Variants in TRPV2 observed in about 807,000 individuals in gnomAD.
TRPV2 encodes transient receptor potential cation channel subfamily V member 2, also known as OTRPC2.
Under a neutral mutation model 91.0 loss-of-function variants are expected in TRPV2, and 58 were observed. The observed-to-expected ratio is 0.64, with a 90% CI of 0.52 to 0.79. The LOEUF is 0.79. TRPV2 is among the 30% of genes least tolerant of loss of function. The pLI, the probability that TRPV2 is intolerant of heterozygous loss-of-function variation, is 0.00. For synonymous variants in TRPV2, 417 were observed against 414.8 expected, an observed-to-expected ratio of 1.01 and a Z score of -0.06; for missense variants, 807 against 969.6, an observed-to-expected ratio of 0.83 and a Z score of 2.23.
chr17:16,420,970 C>T (rs113406871), intron 3 of TRPV2, among the ~76,000 whole-genome samples: 2 of 152,272 alleles, frequency 1.3e-5, no homozygotes, highest in African/African-American at 4.8e-5. Flanking sequence ...GGTCTTGACA[C>T]ATATACTAAT....
rs1428413880 is a variant in TRPV2 at position 16,432,312 on chromosome 17, G to C, written c.1989+12G>C. On this transcript the variant is annotated intron_variant, in intron 12 of 14. Coordinates refer to ENST00000338560, the MANE Select transcript of TRPV2 (RefSeq NM_016113.5). Reference sequence around the variant, plus strand: ...TCTGGAAGCTGCAGGTGCCACCAGAGAGGCTCCCTGCCCCCACCCCACCCC... The same window carrying C: ...TCTGGAAGCTGCAGGTGCCACCAGACAGGCTCCCTGCCCCCACCCCACCCC... 7 of 1,590,800 alleles carry C rather than the reference G, an allele frequency of 4.4e-6. No individual in the cohort carries two copies. The South Asian group carries it at 7.9e-5, about 18-fold the overall frequency.
At chr17:16,419,615 G>T (rs2093347000) in intron 2 of TRPV2, among the ~76,000 whole-genome samples, 1 of 152,200 alleles carries the variant, frequency 6.6e-6, no homozygotes, top group South Asian at 2.1e-4. Context: ...GAAAGGCACA[G>T]AATATTCTGT....
At chr17:16,418,241 A>T (rs2093340678) in intron 2 of TRPV2, among the ~76,000 whole-genome samples, 2 of 152,242 alleles carry the variant, frequency 1.3e-5, no homozygotes, top group Non-Finnish European at 2.9e-5. Flanking sequence ...AATCAAGGAC[A>T]TCTGGAAATG....
Position 16,426,021 on chromosome 17 carries a change from C to T in TRPV2, c.925-78C>T. ...GCAGACCGTGGGCAGCTGCTGAGTC[C>T]TGGGTGTTTCCCAGCCTTGGCCCAG... On this transcript the variant is annotated intron_variant, in intron 5 of 14. Coordinates refer to ENST00000338560, the MANE Select transcript of TRPV2 (RefSeq NM_016113.5). The surrounding 1 kb of genome is among the most constrained non-coding windows in gnomAD (Gnocchi z 6.0). 6.4e-7 allele frequency: 1 copy of T among 1,552,196 alleles called. No homozygotes were observed. Among genetic ancestry groups the T allele is most frequent in the Non-Finnish European group, 8.8e-7 (1 of 1,132,598 alleles).
chr17:16,417,376 G>A (rs2093336011), intron 1 of TRPV2, among the ~76,000 whole-genome samples, 186 bp from the exon 2 acceptor site: 1 of 151,702 alleles, frequency 6.6e-6, no homozygotes, highest in African/African-American at 2.4e-5. Flanking sequence ...TAGTAGCTGG[G>A]ATTACAGGCA....
intron 8 of TRPV2, 92 bp from the exon 9 acceptor site, chr17:16,428,225 T>TAGCCTGGGTGGCAGGCTCCCACTC: frequency 1.7e-6 from 2 of 1,197,192 alleles, no homozygotes; most frequent in Non-Finnish European, 2.5e-6. Flanking sequence ...GACTTAGCTC[T>TAGCCTGGGTGGCAGGCTCCCACTC]AGCCTGGGTG....
chr17:16,417,188 G>A (rs796442692), intron 1 of TRPV2, among the ~76,000 whole-genome samples: 1 of 152,018 alleles, frequency 6.6e-6, no homozygotes, highest in South Asian at 2.1e-4. Flanking sequence ...CCCACACAGT[G>A]GGTGGACCTA....
Position 16,428,255 on chromosome 17 carries a change from G to A in TRPV2, c.1351-62G>A, listed in dbSNP as rs543620087. On this transcript the variant is annotated intron_variant, in intron 8 of 14. Coordinates refer to ENST00000338560, the MANE Select transcript of TRPV2 (RefSeq NM_016113.5). ...TGGGTGGCAGGCTCCCACTCAGCCA[G>A]GCCAGCAGGGGGCATGCGGGAGAGC... 78 of 1,547,850 alleles carry A rather than the reference G, an allele frequency of 5.0e-5. 1 individual carries two copies. In the African/African-American group the frequency reaches 9.2e-4, roughly 18 times the overall value.
chr17:16,433,752 G>T, intron 13 of TRPV2, 54 bp downstream of exon 13: 2 of 1,598,198 alleles, frequency 1.3e-6, no homozygotes, highest in Non-Finnish European at 8.5e-7. Flanking sequence ...GCAATCCCTG[G>T]GGCCCCCCTG....
intron 13 of TRPV2, 82 bp from the exon 14 acceptor site, chr17:16,434,808 T>G: frequency 1.4e-5 from 19 of 1,351,014 alleles, no homozygotes; most frequent in Non-Finnish European, 1.9e-5. Context: ...AGTCTCCCAA[T>G]TTGGGGGGCC....
Position 16,426,133 on chromosome 17 carries a change from G to A in TRPV2, c.959G>A (p.Gly320Glu). ...FRHILQREFS[G>E]LSHLSRKFTE... ...CACATCCTGCAGCGGGAGTTTTCAGGACTGAGCCACCTTTCCCGAAAGTTC... is the reference window on the plus strand; with the variant it reads ...CACATCCTGCAGCGGGAGTTTTCAGAACTGAGCCACCTTTCCCGAAAGTTC... The change falls in exon 6 of 15, where the codon GGA becomes GAA. Residue 320 changes from glycine to glutamate, a missense_variant. Physicochemically the swap from Gly to Glu is moderately conservative, Grantham distance 98 (BLOSUM62 -2). Coordinates refer to ENST00000338560, the MANE Select transcript of TRPV2 (RefSeq NM_016113.5). The surrounding 1 kb of genome is among the most constrained non-coding windows in gnomAD (Gnocchi z 6.0). 6.2e-7 allele frequency: 1 copy of A among 1,614,172 alleles called. No homozygotes were observed. Among genetic ancestry groups the A allele is most frequent in the Non-Finnish European group, 8.5e-7 (1 of 1,180,038 alleles).
chr17:16,429,706 C>G (rs2093401020), intron 10 of TRPV2, among the ~76,000 whole-genome samples: 1 of 151,792 alleles, frequency 6.6e-6, no homozygotes, highest in Admixed American at 6.6e-5. Context: ...GTGCTTGGGA[C>G]AGGGTGAGGA....
Position 16,420,141 on chromosome 17 carries a change from G to C in TRPV2, c.227G>C (p.Arg76Pro), listed in dbSNP as rs201224319. The change falls in exon 3 of 15, where the codon CGA (arginine) becomes CCA (proline). Residue 76 changes from arginine (R) to proline (P), a missense_variant. Physicochemically the swap from Arg to Pro is moderately radical, Grantham distance 103. Transcript: ENST00000338560. Reference protein sequence around the residue: ...ASQPDPNRFDRDRLFNAVSRG... With the variant: ...ASQPDPNRFDPDRLFNAVSRG... Reference sequence around the variant, plus strand: ...CAGCCGGATCCAAACCGATTTGACCGAGATCGGCTCTTCAATGCGGTCTCC... The same window carrying C: ...CAGCCGGATCCAAACCGATTTGACCCAGATCGGCTCTTCAATGCGGTCTCC... 41 of 1,613,780 alleles carry C rather than the reference G, an allele frequency of 2.5e-5. No homozygotes were observed. Among genetic ancestry groups the C allele is most frequent in the Non-Finnish European group, 3.5e-5 (41 of 1,179,708 alleles).
intron 3 of TRPV2, among the ~76,000 whole-genome samples, chr17:16,421,919 T>C (rs1036298265): frequency 2.0e-5 from 3 of 152,210 alleles, no homozygotes; most frequent in Non-Finnish European, 2.9e-5. Flanking sequence ...CCAGAGGAGA[T>C]AGAGACATTA....
intron 12 of TRPV2, 135 bp from the exon 13 acceptor site, chr17:16,433,439 G>A (rs1277725826): frequency 1.1e-5 from 15 of 1,307,062 alleles, no homozygotes; most frequent in East Asian, 2.4e-5. Flanking sequence ...AGCCAGATTC[G>A]AATCCGCGTG....
chr17:16,422,704 A>C lies in TRPV2; in HGVS notation c.440A>C (p.Asn147Thr). Reference protein sequence around the residue: ...PLLQIDRDSGNPQPLVNAQCT... With the variant: ...PLLQIDRDSGTPQPLVNAQCT... Reference sequence around the variant, plus strand: ...CTGCAGATCGACAGGGACTCTGGCAATCCTCAGCCCCTGGTAAATGCCCAG... The same window carrying C: ...CTGCAGATCGACAGGGACTCTGGCACTCCTCAGCCCCTGGTAAATGCCCAG... Residue 147 changes from asparagine (N) to threonine (T), a missense_variant, in exon 4 of 15, where the codon AAT becomes ACT. Asn to Thr is a moderately conservative substitution (Grantham distance 65, BLOSUM62 0). Coordinates refer to ENST00000338560, the MANE Select transcript of TRPV2 (RefSeq NM_016113.5). 6.2e-7 allele frequency: 1 copy of C among 1,609,208 alleles called. No homozygotes were observed. The highest frequency in any genetic ancestry group is 1.1e-5 in the South Asian group (1 of 90,234).
rs2093396862 is a variant in TRPV2, at chr17:16,428,824, C to T, written c.1429C>T (p.Gln477Ter). The change falls in exon 10 of 15, where the codon CAG (glutamine) becomes TAG (stop). Residue 477 changes from glutamine (Q) to a stop codon, truncating the protein, a stop_gained. Transcript: ENST00000338560. LOFTEE classifies it high-confidence loss of function. ...GATTCTGCTCCCACACAGCCTGTTC[C>T]AGGCCCTGCTCACAGTGGTGTCCCA... ...DSYFEILFLF[Q>*]ALLTVVSQVL... is the part of the protein sequence containing the mutation. 2.5e-6 allele frequency: 4 copies of T among 1,613,142 alleles called. No individual in the cohort carries two copies. The highest frequency in any genetic ancestry group is 1.7e-5 in the Admixed American group (1 of 60,000).
In TRPV2 at chr17:16,422,857, T is replaced by C; in HGVS notation, c.593T>C (p.Phe198Ser). Reference sequence around the variant, plus strand: ...CATGCCCGGGCCTGCGGCCGCTTCTTCCAGAAGGGCCAAGGGACTTGCTTT... The same window carrying C: ...CATGCCCGGGCCTGCGGCCGCTTCTCCCAGAAGGGCCAAGGGACTTGCTTT... ...NVHARACGRF[F>S]QKGQGTCFYF... The change falls in exon 4 of 15, where the codon TTC (phenylalanine) becomes TCC (serine). Residue 198 changes from phenylalanine (F) to serine (S), a missense_variant. Transcript: ENST00000338560. 1 of 1,569,794 alleles carries C rather than the reference T, an allele frequency of 6.4e-7. No individual in the cohort carries two copies. The highest frequency in any genetic ancestry group is 8.7e-7 in the Non-Finnish European group (1 of 1,155,608).
intron 3 of TRPV2, among the ~76,000 whole-genome samples, chr17:16,421,595 C>T (rs1157910912): frequency 2.8e-5 from 4 of 144,894 alleles, no homozygotes; most frequent in Non-Finnish European, 6.0e-5. Flanking sequence ...GATCTCAGCT[C>T]ACTGCAACCT....
Sources: allele counts gnomAD v4.1 joint callset (sites outside exome capture counted in the v4.1 genomes callset), GRCh38; gene constraint gnomAD v4.1.1; non-coding constraint Gnocchi (gnomAD v3.1); transcripts MANE v1.5; gene names NCBI Gene and HGNC (gene_info 2026-07-23, HGNC 2026-07-21).